CORO2A: variants seen among roughly 807,000 people sequenced by gnomAD.
The protein encoded by CORO2A is coronin-2A.
In CORO2A, 47 loss-of-function variants were observed where a neutral mutation model predicts 62.4. That is an observed-to-expected ratio of 0.75 (90% CI 0.60 to 0.96). The LOEUF (loss-of-function observed/expected upper bound fraction) is 0.96, where lower values mean the gene tolerates loss of function less well. CORO2A is among the 40% of genes least tolerant of loss of function. CORO2A has a pLI of 0.00. For missense variants in CORO2A, 610 were observed against 684.1 expected, an observed-to-expected ratio of 0.89 and a Z score of 1.21; for synonymous variants, 273 against 268.9, an observed-to-expected ratio of 1.02 and a Z score of -0.15.
At chr9:98,132,969 A>C (rs1827429990) in intron 5 of CORO2A, 69 bp downstream of exon 5, 1 of 1,554,744 alleles carries the variant, frequency 6.4e-7, no homozygotes, top group African/African-American at 1.4e-5. Context: ...TGTTCTCTGA[A>C]GCCTCTCTCT....
chr9:98,174,110 C>T (rs1252627219), intron 1 of CORO2A, among the ~76,000 whole-genome samples: 1 of 149,942 alleles, frequency 6.7e-6, no homozygotes, highest in Non-Finnish European at 1.5e-5. Flanking sequence ...TCTGTTCCCC[C>T]GCCCACCCCC....
Position 98,128,205 on chromosome 9 carries a change from AG to A in CORO2A, c.1135del (p.Leu379Ter). 6.2e-7 allele frequency: 1 copy of A among 1,613,460 alleles called. No individual in the cohort carries two copies. The highest frequency in any genetic ancestry group is 8.5e-7 in the Non-Finnish European group (1 of 1,179,660). ...CCCGCTGAGCCACTCCTGGGCCGTC[AG>A]GGAGGGCTGGGCCCCTGCTGTTGGA... ...YPPTAGAQPS[L>X]TAQEWLSGMN... On this transcript the variant is annotated frameshift_variant, in exon 10 of 12. Transcript: ENST00000375077. LOFTEE classifies it high-confidence loss of function.
At chr9:98,180,969 C>A (rs1433208672) in intron 1 of CORO2A, among the ~76,000 whole-genome samples, 1 of 152,234 alleles carries the variant, frequency 6.6e-6, no homozygotes, top group Non-Finnish European at 1.5e-5. Flanking sequence ...CATTTCTTGT[C>A]CCCAGTAACC....
chr9:98,167,791 A>G (rs1321867572), intron 1 of CORO2A, among the ~76,000 whole-genome samples: 5 of 152,258 alleles, frequency 3.3e-5, no homozygotes, highest in African/African-American at 1.2e-4. Context: ...TAATATTCAC[A>G]GATGAAATGA....
At chr9:98,184,128 T>C (rs1828209874) in intron 1 of CORO2A, among the ~76,000 whole-genome samples, 1 of 152,208 alleles carries the variant, frequency 6.6e-6, no homozygotes, top group African/African-American at 2.4e-5. Context: ...GATTTTGATA[T>C]CCTTGGGTGT....
chr9:98,156,606 T>C (rs964586466), intron 2 of CORO2A, among the ~76,000 whole-genome samples: 2 of 152,242 alleles, frequency 1.3e-5, no homozygotes, highest in Admixed American at 6.5e-5. Context: ...TCTAACTCAA[T>C]TGCATTGTGT....
chr9:98,130,933 C>G, intron 7 of CORO2A, 22 bp downstream of exon 7: 2 of 1,594,532 alleles, frequency 1.3e-6, no homozygotes, highest in Non-Finnish European at 1.7e-6. Context: ...AGGAGGTCAC[C>G]TCCCTCCCGT....
chr9:98,129,095 T>A (rs895589287), intron 8 of CORO2A, among the ~76,000 whole-genome samples: 22 of 152,140 alleles, frequency 1.4e-4, no homozygotes, highest in African/African-American at 5.1e-4. Context: ...TCAATTTTTT[T>A]ATTTATTTGT....
rs754870538 is a variant in CORO2A, at chr9:98,134,813, T to C, written c.461A>G (p.Asp154Gly). 121 of 1,611,944 alleles carry C rather than the reference T, an allele frequency of 7.5e-5. No homozygotes were observed. Among genetic ancestry groups the C allele is most frequent in the Non-Finnish European group, 1.0e-4 (121 of 1,178,936 alleles). ...AANILFSAGY[D>G]YKVMIWNLDT... Reference sequence around the variant, plus strand: ...AAGAATACCCAGACTCACCTTGTAGTCATAGCCAGCACTGAAGAGGATGTT... The same window carrying C: ...AAGAATACCCAGACTCACCTTGTAGCCATAGCCAGCACTGAAGAGGATGTT... The change falls in exon 4 of 12, where the codon GAC (aspartate) becomes GGC (glycine). Residue 154 changes from aspartate to glycine, a missense_variant. Coordinates refer to ENST00000375077, the MANE Select transcript of CORO2A (RefSeq NM_052820.4).
At position 98,129,795 on chromosome 9, in the gene CORO2A, G is replaced by A. The variant is rs745377543; in HGVS notation, c.966C>T (p.Ile322=). 34 of 1,611,326 alleles carry A rather than the reference G, an allele frequency of 2.1e-5. No homozygotes were observed. Among genetic ancestry groups the A allele is most frequent in the Non-Finnish European group, 2.7e-5 (32 of 1,177,800 alleles). Residue 322 remains isoleucine, a splice_region_variant and synonymous_variant, in exon 8 of 12, where the codon ATC becomes ATT. Coordinates refer to ENST00000375077, the MANE Select transcript of CORO2A (RefSeq NM_052820.4). ...EYRSYNPQKG[I]GVMPKRGLDV... is the part of the protein sequence containing the mutation. The stretch of plus-strand genomic sequence containing the variant: ...TGAACTTCAGTGTCCCTCACTTACC[G>A]ATCCCCTTCTGTGGGTTATAGGAGC...
At chr9:98,176,165 C>A (rs114256539) in intron 1 of CORO2A, among the ~76,000 whole-genome samples, 1,726 of 152,248 alleles carry the variant, frequency 0.011, 32 homozygotes, top group African/African-American at 0.04. Flanking sequence ...TGGGAGGCAC[C>A]AAAACCCTCT....
At chr9:98,183,439 A>G (rs1230632165) in intron 1 of CORO2A, among the ~76,000 whole-genome samples, 1 of 152,210 alleles carries the variant, frequency 6.6e-6, no homozygotes, top group Non-Finnish European at 1.5e-5. Flanking sequence ...AGGCCTTACC[A>G]AAGTCCTTAT....
At chr9:98,173,981 T>C (rs1393812093) in intron 1 of CORO2A, among the ~76,000 whole-genome samples, 1 of 152,116 alleles carries the variant, frequency 6.6e-6, no homozygotes, top group South Asian at 2.1e-4. Context: ...CCGGGCGTGG[T>C]GGCGCATGCC....
rs115548179 is a variant in CORO2A at position 98,152,782 on chromosome 9, G to T, written c.201+4678C>A. On this transcript the variant is annotated intron_variant, in intron 2 of 11. Transcript: ENST00000375077. Reference sequence around the variant, plus strand: ...ATTCTAATAATGAGGAAACAATTTGGTAAGTCCAAATTTAGAAACATTCTA... The same window carrying T: ...ATTCTAATAATGAGGAAACAATTTGTTAAGTCCAAATTTAGAAACATTCTA... 3.5e-3 allele frequency among the ~76,000 whole-genome samples: 535 copies of T among 152,178 alleles called. 5 individuals carry two copies. Among genetic ancestry groups the T allele is most frequent in the African/African-American group, 0.012 (509 of 41,520 alleles).
At chr9:98,162,078 T>G (rs78774229) in intron 1 of CORO2A, among the ~76,000 whole-genome samples, 9,637 of 152,240 alleles carry the variant, frequency 0.063, 410 homozygotes, top group Middle Eastern at 0.13. Context: ...CATGCATGAA[T>G]AGAGCAAGTG....
chr9:98,179,400 C>T (rs1029669840), intron 1 of CORO2A, among the ~76,000 whole-genome samples: 12 of 152,198 alleles, frequency 7.9e-5, no homozygotes, highest in African/African-American at 2.9e-4. Flanking sequence ...AAGCAATGAC[C>T]TGCAATCCTG....
At chr9:98,136,362 C>T (rs1448588786) in intron 3 of CORO2A, among the ~76,000 whole-genome samples, 1 of 152,202 alleles carries the variant, frequency 6.6e-6, no homozygotes, top group Non-Finnish European at 1.5e-5. Flanking sequence ...ATATGGAAAC[C>T]GACACAAATC....
rs1178816833 is a variant in CORO2A, at chr9:98,123,442, T to C, written c.*1332A>G. 1 of 151,786 alleles carries C rather than the reference T, an allele frequency of 6.6e-6. No homozygotes were observed. Among genetic ancestry groups the C allele is most frequent in the Non-Finnish European group, 1.5e-5 (1 of 67,982 alleles). The allele number at this position is 151,786 out of a possible 1,614,324, so 9.4% of individuals were successfully genotyped here. A position where few individuals can be genotyped will look rare whatever the true frequency, so the allele number is the denominator to read the frequency against. ...AGGGAGCTGTCTGGTTGGAATACAG[T>C]GTGGGGAAGGGAGACACAGCCTTCC... On this transcript the variant is annotated 3_prime_UTR_variant, in exon 12 of 12. Transcript: ENST00000375077.
At position 98,184,637 on chromosome 9, in the gene CORO2A, G is replaced by A. The variant is rs374221627; in HGVS notation, c.-1+7922C>T. Among the ~76,000 whole-genome samples the A allele has an allele frequency of 2.6e-4, 39 of 152,244 alleles. 1 individual carries two copies. In the East Asian group the frequency reaches 3.9e-3, roughly 15 times the overall value. ...AGGGACGTAGTGCTTTGGGTCTGAC[G>A]TTGTTCCTCCTCATCCTCAGAGTGG... On this transcript the variant is annotated intron_variant, in intron 1 of 11. Transcript: ENST00000375077.
Sources: allele counts gnomAD v4.1 joint callset (sites outside exome capture counted in the v4.1 genomes callset), GRCh38; gene constraint gnomAD v4.1.1; transcripts MANE v1.5; gene names NCBI Gene and HGNC (gene_info 2026-07-23, HGNC 2026-07-21).